ABCB1: variants seen among roughly 807,000 people sequenced by gnomAD.
ABCB1 encodes the protein ATP binding cassette subfamily B member 1, also known as ATP-dependent translocase ABCB1.
In ABCB1, 69 loss-of-function variants were observed where a neutral mutation model predicts 142.0. That is an observed-to-expected ratio of 0.49 (90% CI 0.40 to 0.59). The LOEUF (loss-of-function observed/expected upper bound fraction) is 0.59. ABCB1 is among the 20% of genes least tolerant of loss of function. The probability of loss-of-function intolerance (pLI) is 0.00; values close to 1 mark genes in which losing one functional copy is unlikely to be tolerated. For synonymous variants in ABCB1, 532 were observed against 539.2 expected (o/e 0.99, Z 0.18); for missense variants, 1,326 against 1,554.7 (o/e 0.85, Z 2.47).
At chr7:87,584,587 C>A (rs1483300106) in intron 4 of ABCB1, among the ~76,000 whole-genome samples, 1 of 152,114 alleles carries the variant, frequency 6.6e-6, no homozygotes, top group Non-Finnish European at 1.5e-5. Flanking sequence ...ATGTTACACC[C>A]AGATTATTTC....
intron 15 of ABCB1, among the ~76,000 whole-genome samples, chr7:87,545,487 T>C (rs1816737215): frequency 6.6e-6 from 1 of 152,252 alleles, no homozygotes; most frequent in Non-Finnish European, 1.5e-5. Context: ...CGTTTCAACA[T>C]GTAATCAATA....
At chr7:87,546,416 A>G (rs1015192616) in intron 14 of ABCB1, among the ~76,000 whole-genome samples, 8 of 151,998 alleles carry the variant, frequency 5.3e-5, no homozygotes, top group South Asian at 4.1e-4. Flanking sequence ...GTGAAACCCC[A>G]TCTCTACTAA....
At chr7:87,614,705 T>C (rs1819973374) in intron 1 of ABCB1, among the ~76,000 whole-genome samples, 1 of 152,232 alleles carries the variant, frequency 6.6e-6, no homozygotes, top group African/African-American at 2.4e-5. Flanking sequence ...GCTTTGGCTT[T>C]TATTCTTGTT....
intron 4 of ABCB1, among the ~76,000 whole-genome samples, chr7:87,571,379 A>T (rs758645321): frequency 1.8e-4 from 28 of 152,208 alleles, no homozygotes; most frequent in Non-Finnish European, 3.4e-4. Context: ...ATAGGATATA[A>T]TTAGAAGTAT....
chr7:87,551,974 G>A (rs540054031), intron 9 of ABCB1, among the ~76,000 whole-genome samples: 6 of 152,064 alleles, frequency 3.9e-5, no homozygotes, highest in Admixed American at 1.3e-4. Flanking sequence ...TAGAATCTTT[G>A]GCTTCAATTT....
intron 1 of ABCB1, among the ~76,000 whole-genome samples, chr7:87,689,996 A>T (rs1190908749): frequency 2.6e-5 from 4 of 152,046 alleles, no homozygotes; most frequent in Admixed American, 1.3e-4. Context: ...TTTTTTAAAA[A>T]TTTTTAAATT....
chr7:87,516,528 C>T lies in ABCB1; in HGVS notation c.3065G>A (p.Ser1022Asn). The T allele has an allele frequency of 1.2e-6, 2 of 1,614,146 alleles. No individual in the cohort carries two copies. Among genetic ancestry groups the T allele is most frequent in the Non-Finnish European group, 1.7e-6 (2 of 1,180,026 alleles). The change falls in exon 24 of 28, where the codon AGC becomes AAC. Residue 1022 changes from serine to asparagine, a missense_variant. Coordinates refer to ENST00000622132, the MANE Select transcript of ABCB1 (RefSeq NM_001348946.2). Reference protein sequence around the residue: ...IEKTPLIDSYSTEGLMPNTLE... With the variant: ...IEKTPLIDSYNTEGLMPNTLE... ...ACTCACCGGCATTAGGCCTTCCGTG[C>T]TGTAGCTGTCAATCAAAGGGGTTTT...
intron 11 of ABCB1, 53 bp downstream of exon 11, chr7:87,550,415 C>T: frequency 6.2e-7 from 1 of 1,603,640 alleles, no homozygotes; most frequent in Admixed American, 1.7e-5. Context: ...AAGAAAACAT[C>T]AGAAACTCTT....
Position 87,545,846 on chromosome 7 carries a change from C to G in ABCB1, c.1887+17G>C, listed in dbSNP as rs911439785. ...ATCACTGAGATGACTTAGGAAAATT[C>G]TGAAGTTAAACTATACCTGCATTGT... On this transcript the variant is annotated intron_variant, in intron 15 of 27. Coordinates refer to ENST00000622132, the MANE Select transcript of ABCB1 (RefSeq NM_001348946.2). 6.2e-7 allele frequency: 1 copy of G among 1,611,240 alleles called. No individual in the cohort carries two copies. Among genetic ancestry groups the G allele is most frequent in the African/African-American group, 1.3e-5 (1 of 74,842 alleles).
intron 4 of ABCB1, among the ~76,000 whole-genome samples, chr7:87,572,798 G>A (rs956593164): frequency 6.7e-6 from 1 of 150,324 alleles, no homozygotes; most frequent in African/African-American, 2.4e-5. Flanking sequence ...AACACAGGAA[G>A]AGAAAACCAA....
intron 1 of ABCB1, among the ~76,000 whole-genome samples, chr7:87,658,544 C>T (rs1411365564): frequency 6.6e-6 from 1 of 151,982 alleles, no homozygotes; most frequent in Admixed American, 6.6e-5. Flanking sequence ...ACAGAGCAAA[C>T]CACAAATAGG....
intron 1 of ABCB1, among the ~76,000 whole-genome samples, chr7:87,661,238 GC>G (rs1824680345): frequency 6.6e-6 from 1 of 151,612 alleles, no homozygotes; most frequent in African/African-American, 2.4e-5. Context: ...ATCACTTCAA[GC>G]ATTCATTTTT....
intron 1 of ABCB1, among the ~76,000 whole-genome samples, chr7:87,638,056 A>C (rs1336128426): frequency 6.6e-6 from 1 of 152,002 alleles, no homozygotes; most frequent in African/African-American, 2.4e-5. Context: ...TTATTGTATT[A>C]TTAAATTTTT....
chr7:87,648,580 A>G (rs756628281), intron 1 of ABCB1, among the ~76,000 whole-genome samples: 11 of 152,204 alleles, frequency 7.2e-5, no homozygotes, highest in Non-Finnish European at 1.5e-4. Context: ...ATAAATGAGA[A>G]GAATGAGGCA....
rs201159898 is a variant in ABCB1 at position 87,549,509 on chromosome 7, T to C, written c.1564A>G (p.Thr522Ala). Residue 522 changes from threonine (T) to alanine (A), a missense_variant, in exon 14 of 28, where the codon ACC (threonine) becomes GCC (alanine). Coordinates refer to ENST00000622132, the MANE Select transcript of ABCB1 (RefSeq NM_001348946.2). Reference protein sequence around the residue: ...FIMKLPHKFDTLVGERGAQLS... With the variant: ...FIMKLPHKFDALVGERGAQLS... ...TGGGCCCCTCTCTCTCCAACCAGGG[T>C]GTCAAATTTCTACCACAGAAAACCC... is the stretch of plus-strand genomic sequence containing the variant. 3 of 1,613,950 alleles carry C rather than the reference T, an allele frequency of 1.9e-6. No individual in the cohort carries two copies. The highest frequency in any genetic ancestry group is 2.5e-6 in the Non-Finnish European group (3 of 1,179,994).
intron 7 of ABCB1, among the ~76,000 whole-genome samples, chr7:87,565,251 C>T (rs373008712): frequency 1.3e-5 from 2 of 152,292 alleles, no homozygotes; most frequent in African/African-American, 4.8e-5. Context: ...GTTGTCCATT[C>T]ATTACTTTTG....
intron 1 of ABCB1, among the ~76,000 whole-genome samples, chr7:87,658,861 G>A (rs550052333): frequency 2.6e-5 from 4 of 152,304 alleles, no homozygotes; most frequent in Non-Finnish European, 5.9e-5. Flanking sequence ...AATGGTTAAA[G>A]AACATTCGTT....
Position 87,550,831 on chromosome 7 carries a change from A to G in ABCB1, c.1007T>C (p.Phe336Ser). ...YSIGQVLTVF[F>S]SVLIGAFSVG... ...ACTAAAAGCCCCAATTAATACAGAA[A>G]AGAATACCTGAGGAATGTGAAGAAA... Residue 336 changes from phenylalanine to serine, a missense_variant, in exon 10 of 28, where the codon TTT becomes TCT. Transcript: ENST00000622132. 1 of 1,603,430 alleles carries G rather than the reference A, an allele frequency of 6.2e-7. No homozygotes were observed. The highest frequency in any genetic ancestry group is 8.5e-7 in the Non-Finnish European group (1 of 1,170,334).
chr7:87,611,858 T>G (rs1288319928), intron 1 of ABCB1, among the ~76,000 whole-genome samples: 1 of 152,140 alleles, frequency 6.6e-6, no homozygotes, highest in Non-Finnish European at 1.5e-5. Flanking sequence ...GCTTCTGCAC[T>G]CCAGTTCTAA....
Sources: allele counts gnomAD v4.1 joint callset (sites outside exome capture counted in the v4.1 genomes callset), GRCh38; gene constraint gnomAD v4.1.1; transcripts MANE v1.5; gene names NCBI Gene and HGNC (gene_info 2026-07-23, HGNC 2026-07-21).